Variants in SLC25A27 observed in about 807,000 individuals in gnomAD.
SLC25A27 encodes the protein solute carrier family 25 member 27.
A neutral mutation model predicts 49.1 loss-of-function variants in SLC25A27; 35 were observed. The ratio of observed to expected loss-of-function variants is 0.71; its 90% CI spans 0.54 to 0.95. SLC25A27 has a LOEUF of 0.95. SLC25A27 is among the 40% of genes least tolerant of loss of function. SLC25A27 has a pLI of 0.00. For missense variants in SLC25A27, 339 were observed against 397.1 expected (o/e 0.85, Z 1.24); for synonymous variants, 144 against 136.9 (o/e 1.05, Z -0.36).
At chr6:46,668,150 G>A (rs1216456798) in intron 5 of SLC25A27, among the ~76,000 whole-genome samples, 3 of 152,158 alleles carry the variant, frequency 2.0e-5, no homozygotes, top group Non-Finnish European at 2.9e-5. Flanking sequence ...TTGGAGACCA[G>A]CCTGGGTAAT....
intron 5 of SLC25A27, 78 bp from the exon 6 acceptor site, chr6:46,668,631 G>A (rs1217406528): frequency 4.8e-6 from 4 of 830,402 alleles, no homozygotes; most frequent in Non-Finnish European, 8.3e-6. Flanking sequence ...ACACATTCCT[G>A]CCCCAAGCCT....
At chr6:46,676,337 A>T in intron 8 of SLC25A27, 46 bp from the exon 9 acceptor site, 1 of 1,567,214 alleles carries the variant, frequency 6.4e-7, no homozygotes, top group Non-Finnish European at 8.8e-7. Flanking sequence ...TAGACTATTT[A>T]TAATTGCTTT....
intron 6 of SLC25A27, among the ~76,000 whole-genome samples, 160 bp from the exon 7 acceptor site, chr6:46,669,975 T>C (rs1763463504): frequency 6.6e-6 from 1 of 152,244 alleles, no homozygotes; most frequent in African/African-American, 2.4e-5. Context: ...GTTGTTTTTC[T>C]ACCTCTTTAA....
intron 1 of SLC25A27, among the ~76,000 whole-genome samples, chr6:46,655,534 T>G (rs1171192461): frequency 4.0e-5 from 1 of 24,798 alleles, no homozygotes; most frequent in Non-Finnish European, 8.1e-5. Flanking sequence ...TGTTAATGTT[T>G]GTTTTTTTTT....
At position 46,655,535 on chromosome 6, in the gene SLC25A27, G is replaced by GTTTTTT. The variant is rs773585919; in HGVS notation, c.107-275_107-270dup. Among the ~76,000 whole-genome samples the GTTTTTT allele has an allele frequency of 2.9e-3, 31 of 10,714 alleles. 1 individual carries two copies. The highest frequency in any genetic ancestry group is 4.7e-3 in the Non-Finnish European group (23 of 4,932). The allele number at this position is 10,714 out of a possible 152,430, so 7.0% of individuals were successfully genotyped here. A position where few individuals can be genotyped will look rare whatever the true frequency, so the allele number is the denominator to read the frequency against. On this transcript the variant is annotated intron_variant, in intron 1 of 8. Transcript: ENST00000371347. ...ATTTTAATTTTTATTGTTAATGTTT[G>GTTTTTT]TTTTTTTTTTTTTTTTTTTTTTTTT... is the stretch of plus-strand genomic sequence containing the variant.
At chr6:46,665,509 C>T (rs1299972463) in intron 5 of SLC25A27, among the ~76,000 whole-genome samples, 2 of 152,060 alleles carry the variant, frequency 1.3e-5, no homozygotes, top group East Asian at 3.9e-4. Context: ...CATGGTGAAA[C>T]CCCGTCTCTA....
At position 46,670,441 on chromosome 6, in the gene SLC25A27, C is replaced by T. The variant is rs2150652831; in HGVS notation, c.797+214C>T. 6.2e-6 allele frequency: 3 copies of T among 480,480 alleles called. No individual in the cohort carries two copies. The South Asian group carries it at 8.5e-5, about 14-fold the overall frequency. 29.8% of individuals were successfully genotyped at this position (480,480 alleles called of 1,614,324 possible). ...AATTAACAATCATATTATTTAGACA[C>T]AAGATTTTTATTATGACTTTATTGT... On this transcript the variant is annotated intron_variant, in intron 7 of 8. Coordinates refer to ENST00000371347, the MANE Select transcript of SLC25A27 (RefSeq NM_004277.5).
chr6:46,654,760 C>G (rs561883885), intron 1 of SLC25A27, among the ~76,000 whole-genome samples: 1 of 152,292 alleles, frequency 6.6e-6, no homozygotes, highest in Admixed American at 6.5e-5. Flanking sequence ...GAAGTCTATG[C>G]AAGCTACTTC....
At chr6:46,661,074 G>A (rs551057622) in intron 3 of SLC25A27, among the ~76,000 whole-genome samples, 27 of 152,114 alleles carry the variant, frequency 1.8e-4, no homozygotes, top group Non-Finnish European at 4.4e-5. Flanking sequence ...CAGTCCTGCC[G>A]TCATTCAGCT....
chr6:46,666,833 A>G (rs1057360695), intron 5 of SLC25A27, among the ~76,000 whole-genome samples: 1 of 152,022 alleles, frequency 6.6e-6, no homozygotes, highest in African/African-American at 2.4e-5. Context: ...TCAGCTGTAC[A>G]AGCAGAAACT....
chr6:46,658,402 T>C, intron 2 of SLC25A27: 1 of 326,850 alleles, frequency 3.1e-6, no homozygotes, highest in Non-Finnish European at 6.0e-6. Flanking sequence ...TTGTAGTTTG[T>C]TGTTCATTGT....
In SLC25A27 at chr6:46,670,136, TTA is replaced by T; in HGVS notation, c.708_709del (p.Cys237PhefsTer26). On this transcript the variant is annotated frameshift_variant and splice_region_variant, in exon 7 of 9. Transcript: ENST00000371347. LOFTEE classifies it high-confidence loss of function. ...AATTTCATTTATTTGTATTTATAGT[TTA>T]TGTTCTGGACTGGTAGCTTCTATTC... The part of the protein sequence containing the change: ...DNIMTHGLSS[L>X]CSGLVASILG... 3.1e-6 allele frequency: 5 copies of T among 1,604,022 alleles called. No individual in the cohort carries two copies. The highest frequency in any genetic ancestry group is 4.3e-6 in the Non-Finnish European group (5 of 1,173,526).
intron 7 of SLC25A27, 106 bp from the exon 8 acceptor site, chr6:46,671,020 G>A (rs1168325269): frequency 4.4e-5 from 34 of 769,442 alleles, no homozygotes; most frequent in Middle Eastern, 3.8e-4. Context: ...GTAAGCCACC[G>A]CGCCCGGCCA....
At position 46,655,950 on chromosome 6, in the gene SLC25A27, G is replaced by A; in HGVS notation, c.214G>A (p.Val72Met). The A allele has an allele frequency of 6.2e-7, 1 of 1,613,972 alleles. No individual in the cohort carries two copies. Among genetic ancestry groups the A allele is most frequent in the Non-Finnish European group, 8.5e-7 (1 of 1,179,962 alleles). The change falls in exon 2 of 9, where the codon GTG (valine) becomes ATG (methionine). Residue 72 changes from valine to methionine, a missense_variant. Coordinates refer to ENST00000371347, the MANE Select transcript of SLC25A27 (RefSeq NM_004277.5). ...AGAATCTGCCCCCTATAGGGGAATG[G>A]TGCGCACAGCTCTAGGGATCATTGA... is the stretch of plus-strand genomic sequence containing the variant. ...ARESAPYRGM[V>M]RTALGIIEEE... is the part of the protein sequence containing the mutation.
rs1184617199 is a variant in SLC25A27 at position 46,660,805 on chromosome 6, A to G, written c.384-1571A>G. 2.0e-5 allele frequency among the ~76,000 whole-genome samples: 3 copies of G among 152,222 alleles called. No individual in the cohort carries two copies. In the East Asian group the frequency reaches 5.8e-4, roughly 29 times the overall value. ...TGTTTTTGAAAAATTGTAATGTACT[A>G]AGCTATACTAATTGCTTTCCCAGAG... On this transcript the variant is annotated intron_variant, in intron 3 of 8. Coordinates refer to ENST00000371347, the MANE Select transcript of SLC25A27 (RefSeq NM_004277.5).
At chr6:46,662,888 C>T (rs561417845) in intron 4 of SLC25A27, among the ~76,000 whole-genome samples, 1 of 152,238 alleles carries the variant, frequency 6.6e-6, no homozygotes, top group East Asian at 1.9e-4. Flanking sequence ...TATAAACTCG[C>T]TCAAAAGGCT....
chr6:46,670,017 C>A, intron 6 of SLC25A27, 118 bp from the exon 7 acceptor site: 1 of 565,224 alleles, frequency 1.8e-6, no homozygotes, highest in Non-Finnish European at 3.0e-6. Flanking sequence ...GCAAAAAGAG[C>A]ATTATGAAGC....
chr6:46,653,405 C>T, intron 1 of SLC25A27, 107 bp downstream of exon 1: 1 of 1,441,678 alleles, frequency 6.9e-7, no homozygotes, highest in Non-Finnish European at 9.0e-7. Flanking sequence ...GAGAGGTCGC[C>T]CCTTCCATGC....
chr6:46,662,356 G>T lies in SLC25A27; in HGVS notation c.384-20G>T. On this transcript the variant is annotated intron_variant, in intron 3 of 8. Coordinates refer to ENST00000371347, the MANE Select transcript of SLC25A27 (RefSeq NM_004277.5). ...GTGAAATTAATGGCAACTTTAAAAA[G>T]AATTTCCTTCTGCAATTAGGAAATC... 3 of 1,611,262 alleles carry T rather than the reference G, an allele frequency of 1.9e-6. No homozygotes were observed. Among genetic ancestry groups the T allele is most frequent in the Non-Finnish European group, 2.5e-6 (3 of 1,178,626 alleles).
Sources: allele counts gnomAD v4.1 joint callset (sites outside exome capture counted in the v4.1 genomes callset), GRCh38; gene constraint gnomAD v4.1.1; transcripts MANE v1.5; gene names NCBI Gene and HGNC (gene_info 2026-07-23, HGNC 2026-07-21).